The following ANO3 variants were observed in gnomAD, a reference collection of about 807,000 sequenced individuals.
ANO3 encodes the protein anoctamin 3, also known as anoctamin-3.
ANO3 carries 99 observed loss-of-function variants against 144.8 expected under a neutral mutation model. The ratio of observed to expected loss-of-function variants is 0.68; its 90% CI spans 0.58 to 0.81. ANO3 has a LOEUF of 0.81. Ranked by LOEUF, ANO3 falls within the 30% of genes least tolerant of loss-of-function variation. ANO3 has a pLI of 0.00. For synonymous variants in ANO3, 414 were observed against 392.6 expected, an observed-to-expected ratio of 1.05 and a Z score of -0.64; for missense variants, 905 against 1,202.2, an observed-to-expected ratio of 0.75 and a Z score of 3.66.
At chr11:26,470,760 C>T (rs72889134) in intron 4 of ANO3, among the ~76,000 whole-genome samples, 1 of 151,640 alleles carries the variant, frequency 6.6e-6, no homozygotes, top group Admixed American at 6.6e-5. Context: ...GTTTTTAACA[C>T]CGGGTGGTAA....
intron 1 of ANO3, among the ~76,000 whole-genome samples, chr11:26,424,771 C>A (rs1247606576): frequency 6.6e-6 from 1 of 152,046 alleles, no homozygotes; most frequent in East Asian, 1.9e-4. Context: ...TATGCTATTT[C>A]TTGGACCTAC....
intron 21 of ANO3, among the ~76,000 whole-genome samples, chr11:26,641,210 TCA>T (rs34083670): frequency 0.38 from 57,248 of 151,858 alleles, 11,612 homozygotes; most frequent in South Asian, 0.49. Flanking sequence ...AGAAGCAGAC[TCA>T]CGGACACAGA....
At chr11:26,269,462 G>A (rs1183542539) in intron 1 of ANO3, among the ~76,000 whole-genome samples, 8 of 152,176 alleles carry the variant, frequency 5.3e-5, no homozygotes, top group Non-Finnish European at 1.0e-4. Flanking sequence ...CCAGATCTGT[G>A]CCGGTCCAGC....
intron 1 of ANO3, among the ~76,000 whole-genome samples, chr11:26,437,345 A>G (rs1196689843): frequency 6.6e-6 from 1 of 152,158 alleles, no homozygotes; most frequent in African/African-American, 2.4e-5. Flanking sequence ...GCCCTGTTGG[A>G]GTGGGTTCAC....
chr11:26,624,593 CTG>C, intron 18 of ANO3, 95 bp downstream of exon 18: 1 of 879,818 alleles, frequency 1.1e-6, no homozygotes, highest in Non-Finnish European at 1.8e-6. Context: ...ATTTTAATAA[CTG>C]CAATTATTTA....
intron 1 of ANO3, among the ~76,000 whole-genome samples, chr11:26,394,796 G>T (rs1480327115): frequency 6.6e-6 from 1 of 151,838 alleles, no homozygotes; most frequent in Non-Finnish European, 1.5e-5. Flanking sequence ...GGCTGGTCTT[G>T]AACTCCTGAC....
chr11:26,420,542 G>A (rs1857722244), intron 1 of ANO3, among the ~76,000 whole-genome samples: 1 of 152,070 alleles, frequency 6.6e-6, no homozygotes, highest in Non-Finnish European at 1.5e-5. Context: ...AGATAAGAGA[G>A]AGGTTGGGCT....
chr11:26,362,254 C>CT (rs1187002803), intron 1 of ANO3, among the ~76,000 whole-genome samples: 1 of 152,036 alleles, frequency 6.6e-6, no homozygotes, highest in Non-Finnish European at 1.5e-5. Context: ...ATAATAAAAA[C>CT]TTTATGTGTC....
chr11:26,266,678 C>T (rs995034152), intron 1 of ANO3, among the ~76,000 whole-genome samples: 2 of 151,792 alleles, frequency 1.3e-5, no homozygotes, highest in African/African-American at 2.4e-5. Context: ...TGTGGTCCAC[C>T]CGCCTTGGCC....
At chr11:26,424,454 G>C (rs1340785283) in intron 1 of ANO3, among the ~76,000 whole-genome samples, 1 of 151,950 alleles carries the variant, frequency 6.6e-6, no homozygotes, top group African/African-American at 2.4e-5. Context: ...GTAAATGTCT[G>C]ACTCTGTTTT....
chr11:26,205,173 C>T (rs1346382893), intron 1 of ANO3, among the ~76,000 whole-genome samples: 1 of 152,060 alleles, frequency 6.6e-6, no homozygotes, highest in East Asian at 1.9e-4. Context: ...CTGGTCCTGC[C>T]CTTAACAAGT....
intron 1 of ANO3, among the ~76,000 whole-genome samples, chr11:26,439,913 A>T (rs1858452157): frequency 6.6e-6 from 1 of 152,248 alleles, no homozygotes; most frequent in African/African-American, 2.4e-5. Flanking sequence ...AACCTTTTAA[A>T]ATGAGAACAT....
chr11:26,441,409 G>A (rs1858518926), intron 1 of ANO3, among the ~76,000 whole-genome samples: 1 of 151,272 alleles, frequency 6.6e-6, no homozygotes, highest in Admixed American at 6.6e-5. Context: ...GAGCCACTGC[G>A]CCCGGCCTGC....
chr11:26,553,372 C>G, intron 13 of ANO3, 27 bp downstream of exon 13: 1 of 1,506,054 alleles, frequency 6.6e-7, no homozygotes, highest in Non-Finnish European at 9.2e-7. Context: ...ACATTCTCCT[C>G]CCTGAGCTGT....
intron 7 of ANO3, among the ~76,000 whole-genome samples, chr11:26,530,570 T>C (rs908684585): frequency 1.7e-5 from 2 of 115,994 alleles, no homozygotes; most frequent in African/African-American, 6.1e-5. Context: ...AAAAAAAAAC[T>C]CTCTTTCTGG....
At chr11:26,379,382 A>C (rs1344287078) in intron 1 of ANO3, among the ~76,000 whole-genome samples, 1 of 152,162 alleles carries the variant, frequency 6.6e-6, no homozygotes, top group Non-Finnish European at 1.5e-5. Context: ...CTGCTCTGTG[A>C]AGGATAGAGT....
At chr11:26,617,407 T>C (rs2132986176) in intron 17 of ANO3, among the ~76,000 whole-genome samples, 1 of 152,330 alleles carries the variant, frequency 6.6e-6, no homozygotes, top group Non-Finnish European at 1.5e-5. Context: ...GGAGTGAATC[T>C]CTAGTTGTAG....
chr11:26,420,481 G>C (rs1857720528), intron 1 of ANO3, among the ~76,000 whole-genome samples: 1 of 152,010 alleles, frequency 6.6e-6, no homozygotes. Context: ...ATGAACTGTA[G>C]CTACTGTTTA....
intron 17 of ANO3, among the ~76,000 whole-genome samples, chr11:26,621,558 C>A (rs11029649): frequency 6.6e-6 from 1 of 151,900 alleles, no homozygotes; most frequent in African/African-American, 2.4e-5. Flanking sequence ...TAAAATAGTA[C>A]TCTCTGTGTC....
Sources: allele counts gnomAD v4.1 joint callset (sites outside exome capture counted in the v4.1 genomes callset), GRCh38; gene constraint gnomAD v4.1.1; transcripts MANE v1.5; gene names NCBI Gene and HGNC (gene_info 2026-07-23, HGNC 2026-07-21).